Variants in NAV2 observed in about 807,000 individuals in gnomAD.
NAV2 encodes the protein neuron navigator 2, also known as helicase, APC down-regulated 1.
A neutral mutation model predicts 223.2 loss-of-function variants in NAV2; 54 were observed. The ratio of observed to expected loss-of-function variants is 0.24; its 90% CI spans 0.19 to 0.30. The LOEUF (loss-of-function observed/expected upper bound fraction) is 0.30. NAV2 is among the 10% of genes least tolerant of loss of function. The pLI is 1.00. For synonymous variants in NAV2, 1,279 were observed against 1,239.3 expected (o/e 1.03, Z -0.67); for missense variants, 2,806 against 3,147.5 (o/e 0.89, Z 2.60).
intron 1 of NAV2, among the ~76,000 whole-genome samples, chr11:19,594,816 G>A (rs960832569): frequency 7.9e-5 from 12 of 152,168 alleles, no homozygotes; most frequent in African/African-American, 2.9e-4. Flanking sequence ...GAAAAATGGG[G>A]ACAATCACAG....
At chr11:19,391,493 T>C (rs768372848) in intron 1 of NAV2, among the ~76,000 whole-genome samples, 3 of 152,206 alleles carry the variant, frequency 2.0e-5, no homozygotes, top group Non-Finnish European at 4.4e-5. Context: ...TTAAACCTTA[T>C]CAATGACACT....
At chr11:19,959,908 G>A (rs149598575) in intron 10 of NAV2, among the ~76,000 whole-genome samples, 4 of 152,248 alleles carry the variant, frequency 2.6e-5, no homozygotes, top group South Asian at 2.1e-4. Context: ...TTGTTGGAAC[G>A]GACCTCCTGC....
At chr11:19,639,702 T>C (rs1337510914) in intron 1 of NAV2, among the ~76,000 whole-genome samples, 1 of 152,100 alleles carries the variant, frequency 6.6e-6, no homozygotes, top group African/African-American at 2.4e-5. Flanking sequence ...AAACAGAGGA[T>C]CAGAGAAAAG....
At chr11:19,689,332 A>G (rs1406191187) in intron 1 of NAV2, among the ~76,000 whole-genome samples, 1 of 152,234 alleles carries the variant, frequency 6.6e-6, no homozygotes, top group Non-Finnish European at 1.5e-5. Context: ...GGATACGTGC[A>G]AAGACATCAA....
At chr11:19,971,913 G>A (rs2049283534) in intron 10 of NAV2, among the ~76,000 whole-genome samples, 2 of 152,130 alleles carry the variant, frequency 1.3e-5, no homozygotes, top group Admixed American at 6.5e-5. Context: ...ATGTTGGCTA[G>A]GCTGGTTTTG....
At chr11:19,360,607 G>A (rs898738811) in intron 1 of NAV2, among the ~76,000 whole-genome samples, 3 of 152,232 alleles carry the variant, frequency 2.0e-5, no homozygotes, top group Non-Finnish European at 4.4e-5. Context: ...ATTATCACTA[G>A]GGTAGGGACA....
chr11:19,897,563 T>C (rs558947341), intron 6 of NAV2, among the ~76,000 whole-genome samples: 13 of 152,098 alleles, frequency 8.5e-5, no homozygotes, highest in South Asian at 2.1e-4. Context: ...AAAGAAAAAG[T>C]GATAGTATAT....
At chr11:19,870,003 A>G (rs1416204590) in intron 4 of NAV2, among the ~76,000 whole-genome samples, 3 of 152,136 alleles carry the variant, frequency 2.0e-5, no homozygotes, top group Non-Finnish European at 4.4e-5. Context: ...GGTGGGTGGT[A>G]TAAATGACCA....
intron 10 of NAV2, among the ~76,000 whole-genome samples, chr11:19,976,464 TGGCAGGG>T (rs1369844054): frequency 3.9e-5 from 6 of 152,224 alleles, no homozygotes; most frequent in African/African-American, 1.4e-4. Context: ...CTGGCGAGGC[TGGCAGGG>T]GGCCCCTGGG....
At chr11:19,346,432 G>A (rs567640718), upstream of NAV2, among the ~76,000 whole-genome samples, 1 of 152,300 alleles carries the variant, frequency 6.6e-6, no homozygotes, top group South Asian at 2.1e-4. Context: ...GGTTAGCTGC[G>A]GGCGGCGGGC....
chr11:19,401,861 G>C (rs1318134063), intron 1 of NAV2: 1 of 152,180 alleles, frequency 6.6e-6, no homozygotes, highest in Non-Finnish European at 1.5e-5. Context: ...CCACACTTAA[G>C]AAACATGTCA....
At chr11:19,992,650 C>T (rs144830006) in intron 11 of NAV2, among the ~76,000 whole-genome samples, 306 of 140,036 alleles carry the variant, frequency 2.2e-3, no homozygotes, top group African/African-American at 7.5e-3. Context: ...TGCAGTGACA[C>T]GATCTCAGCT....
At chr11:19,701,215 G>A (rs571427732) in intron 1 of NAV2, among the ~76,000 whole-genome samples, 4 of 152,136 alleles carry the variant, frequency 2.6e-5, no homozygotes, top group Non-Finnish European at 5.9e-5. Context: ...GGGGTTGGTG[G>A]GGGGTCTGCC....
intron 1 of NAV2, among the ~76,000 whole-genome samples, chr11:19,431,079 C>G (rs1025268206): frequency 1.3e-5 from 2 of 152,216 alleles, no homozygotes; most frequent in Non-Finnish European, 2.9e-5. Flanking sequence ...GCAAAATAGA[C>G]AGGCAGGTGG....
At chr11:19,716,682 G>A (rs12282066) in intron 1 of NAV2, among the ~76,000 whole-genome samples, 8,788 of 152,202 alleles carry the variant, frequency 0.058, 801 homozygotes, top group African/African-American at 0.2. Flanking sequence ...TGCCTGATGG[G>A]TGAGGCTCTT....
At chr11:20,065,559 T>C (rs189187268) in intron 20 of NAV2, among the ~76,000 whole-genome samples, 1 of 152,356 alleles carries the variant, frequency 6.6e-6, no homozygotes, top group Admixed American at 6.5e-5. Flanking sequence ...GGAGAGCTGC[T>C]GGATGGATGG....
intron 17 of NAV2, 101 bp from the exon 18 acceptor site, chr11:20,053,979 G>A (rs538011199): frequency 3.7e-5 from 45 of 1,208,108 alleles, no homozygotes; most frequent in East Asian, 1.1e-4. Flanking sequence ...AATCATCTTC[G>A]GATATATGTT....
At chr11:19,800,490 T>A (rs2152765910) in intron 1 of NAV2, among the ~76,000 whole-genome samples, 1 of 152,328 alleles carries the variant, frequency 6.6e-6, no homozygotes, top group South Asian at 2.1e-4. Context: ...TTCCCATTTC[T>A]AAGTAGACAC....
intron 1 of NAV2, among the ~76,000 whole-genome samples, chr11:19,561,804 G>T (rs1214053641): frequency 1.3e-5 from 2 of 152,158 alleles, no homozygotes; most frequent in Non-Finnish European, 2.9e-5. Context: ...TAAGTGACTT[G>T]GCCAAGGCTC....
Sources: allele counts gnomAD v4.1 joint callset (sites outside exome capture counted in the v4.1 genomes callset), GRCh38; gene constraint gnomAD v4.1.1; transcripts MANE v1.5; gene names NCBI Gene and HGNC (gene_info 2026-07-23, HGNC 2026-07-21).